Variants in PCDH15 observed in about 807,000 individuals in gnomAD.
The protein encoded by PCDH15 is protocadherin-15.
A neutral mutation model predicts 178.5 loss-of-function variants in PCDH15; 129 were observed. That is an observed-to-expected ratio of 0.72 (90% CI 0.63 to 0.84). The LOEUF (loss-of-function observed/expected upper bound fraction) is 0.84, where lower values mean the gene tolerates loss of function less well. PCDH15 is among the 40% of genes least tolerant of loss of function. The pLI, the probability that PCDH15 is intolerant of heterozygous loss-of-function variation, is 0.00. For missense variants in PCDH15, 2,230 were observed against 2,099.9 expected (o/e 1.06, Z -1.21); for synonymous variants, 800 against 732.0 (o/e 1.09, Z -1.50).
At chr10:54,966,805 C>A (rs940950659) in intron 2 of PCDH15, among the ~76,000 whole-genome samples, 1 of 152,086 alleles carries the variant, frequency 6.6e-6, no homozygotes, top group African/African-American at 2.4e-5. Flanking sequence ...GATTGTGAGG[C>A]CTTCCCAGCC....
chr10:55,026,466 T>C (rs900204664), intron 2 of PCDH15, among the ~76,000 whole-genome samples: 3 of 151,990 alleles, frequency 2.0e-5, no homozygotes, highest in African/African-American at 7.2e-5. Context: ...GATAGGGACA[T>C]TGACTTAGCT....
At chr10:54,305,507 A>C (rs1379830943) in intron 8 of PCDH15, among the ~76,000 whole-genome samples, 1 of 152,066 alleles carries the variant, frequency 6.6e-6, no homozygotes, top group Non-Finnish European at 1.5e-5. Context: ...ATATAAGTAA[A>C]TATTAATTGA....
At chr10:55,604,534 T>C (rs1257454009) in intron 2 of PCDH15, among the ~76,000 whole-genome samples, 1 of 140,702 alleles carries the variant, frequency 7.1e-6, no homozygotes, top group Non-Finnish European at 1.5e-5. Context: ...ACAGAAATTA[T>C]AACAAACTAT....
intron 11 of PCDH15, among the ~76,000 whole-genome samples, chr10:54,192,087 C>G (rs1378953272): frequency 1.0e-5 from 1 of 96,170 alleles, no homozygotes; most frequent in South Asian, 3.4e-4. Context: ...AAGAAAGAAA[C>G]AAAGGAAGGA....
intron 21 of PCDH15, among the ~76,000 whole-genome samples, chr10:53,984,687 T>A (rs954211262): frequency 4.6e-5 from 7 of 152,126 alleles, no homozygotes; most frequent in Non-Finnish European, 8.8e-5. Flanking sequence ...CATTGATGGA[T>A]CTTCAAGGCA....
At chr10:54,779,314 T>A (rs1950025575) in intron 1 of PCDH15, among the ~76,000 whole-genome samples, 1 of 149,962 alleles carries the variant, frequency 6.7e-6, no homozygotes, top group Non-Finnish European at 1.5e-5. Flanking sequence ...CTCAACTCTG[T>A]CAGAGTTGGT....
intron 2 of PCDH15, among the ~76,000 whole-genome samples, chr10:55,118,449 C>T (rs1347832454): frequency 6.6e-6 from 1 of 152,112 alleles, no homozygotes; most frequent in African/African-American, 2.4e-5. Flanking sequence ...CATTCAACTT[C>T]CCTTACAATG....
chr10:55,044,827 G>A lies in PCDH15; in HGVS notation c.-80+121749C>T, dbSNP rs554126685. 1.4e-4 allele frequency among the ~76,000 whole-genome samples: 22 copies of A among 152,180 alleles called. No homozygotes were observed. The South Asian group carries it at 4.6e-3, about 32-fold the overall frequency. ...GTGTTAGGTGTTATTCAATGTGCTA[G>A]AAACATAGGGAATGAGCAAATCACA... is the stretch of plus-strand genomic sequence containing the variant. On this transcript the variant is annotated intron_variant, in intron 2 of 5. Coordinates refer to the PCDH15 transcript ENST00000458638.
chr10:54,339,859 G>A (rs1941908294), intron 6 of PCDH15, among the ~76,000 whole-genome samples: 1 of 152,088 alleles, frequency 6.6e-6, no homozygotes, highest in African/African-American at 2.4e-5. Flanking sequence ...GCGTGTTTTA[G>A]CCAGAATTCC....
intron 3 of PCDH15, among the ~76,000 whole-genome samples, chr10:54,444,775 G>A (rs2076043045): frequency 6.6e-6 from 1 of 151,520 alleles, no homozygotes; most frequent in Admixed American, 6.6e-5. Context: ...TGAGCACCTT[G>A]GTTTAGTCTA....
At chr10:54,084,860 G>C (rs1046357986) in intron 16 of PCDH15, among the ~76,000 whole-genome samples, 1 of 152,176 alleles carries the variant, frequency 6.6e-6, no homozygotes, top group East Asian at 1.9e-4. Context: ...GCCTTTGACA[G>C]ATTTATCACA....
intron 3 of PCDH15, among the ~76,000 whole-genome samples, chr10:54,521,972 T>C (rs1335236437): frequency 6.7e-6 from 1 of 149,458 alleles, no homozygotes; most frequent in African/African-American, 2.5e-5. Flanking sequence ...CATGTGGTCC[T>C]AGCTACTCGG....
At chr10:54,210,309 C>G (rs1415907507) in intron 10 of PCDH15, among the ~76,000 whole-genome samples, 1 of 151,942 alleles carries the variant, frequency 6.6e-6, no homozygotes, top group African/African-American at 2.4e-5. Flanking sequence ...TACACAGATT[C>G]AGCAGTCTGA....
At chr10:55,254,600 T>C (rs1841938340) in intron 1 of PCDH15, among the ~76,000 whole-genome samples, 2 of 152,160 alleles carry the variant, frequency 1.3e-5, no homozygotes, top group African/African-American at 4.8e-5. Flanking sequence ...TATATCAAGA[T>C]TGCCTTTCTC....
At chr10:54,178,521 G>A (rs149792212) in intron 13 of PCDH15, among the ~76,000 whole-genome samples, 3 of 152,140 alleles carry the variant, frequency 2.0e-5, no homozygotes, top group African/African-American at 7.2e-5. Context: ...AGAATAATTG[G>A]TGGAGCACAG....
intron 20 of PCDH15, 81 bp downstream of exon 20, chr10:54,020,111 T>C: frequency 8.3e-7 from 1 of 1,201,298 alleles, no homozygotes; most frequent in Non-Finnish European, 1.2e-6. Flanking sequence ...TATCAAAACA[T>C]ATTATAGGTA....
At chr10:54,151,558 G>C (rs1412851778) in intron 14 of PCDH15, among the ~76,000 whole-genome samples, 1 of 150,618 alleles carries the variant, frequency 6.6e-6, no homozygotes, top group Non-Finnish European at 1.5e-5. Context: ...AAATGTAAAA[G>C]AAAAAAAGCC....
intron 1 of PCDH15, among the ~76,000 whole-genome samples, chr10:54,715,459 C>T (rs1566017223): frequency 6.6e-6 from 1 of 152,086 alleles, no homozygotes. Context: ...AAGATTGACA[C>T]TGTGAGCTTT....
At chr10:55,275,992 G>T (rs2132252354) in intron 1 of PCDH15, among the ~76,000 whole-genome samples, 1 of 151,022 alleles carries the variant, frequency 6.6e-6, no homozygotes, top group East Asian at 2.0e-4. Context: ...TTCTAGGCAT[G>T]TTATCATATT....
Sources: allele counts gnomAD v4.1 joint callset (sites outside exome capture counted in the v4.1 genomes callset), GRCh38; gene constraint gnomAD v4.1.1; transcripts MANE v1.5; gene names NCBI Gene and HGNC (gene_info 2026-07-23, HGNC 2026-07-21).